Variants in DCLK1 observed in about 807,000 individuals in gnomAD.
DCLK1 encodes the protein serine/threonine-protein kinase DCLK1.
Under a neutral mutation model 86.2 loss-of-function variants are expected in DCLK1, and 16 were observed. The observed-to-expected ratio is 0.19, with a 90% CI of 0.13 to 0.28. The LOEUF (loss-of-function observed/expected upper bound fraction) is 0.28. Among genes scored for constraint, DCLK1 ranks in the 10% least tolerant of loss-of-function variants. The pLI is 1.00. For synonymous variants in DCLK1, 369 were observed against 370.5 expected (o/e 1.00, Z 0.05); for missense variants, 590 against 940.2 (o/e 0.63, Z 4.87).
Position 36,084,818 on chromosome 13 carries a change from T to C in DCLK1, c.723+27051A>G, listed in dbSNP as rs565741765. Among the ~76,000 whole-genome samples, 30 of 152,334 alleles carry C rather than the reference T, an allele frequency of 2.0e-4. No homozygotes were observed. The South Asian group carries it at 3.9e-3, about 20-fold the overall frequency. On this transcript the variant is annotated intron_variant, in intron 3 of 16. Coordinates refer to ENST00000360631, the MANE Select transcript of DCLK1 (RefSeq NM_001330071.2). ...GCTACTGGTTATATGGCACCCATTT[T>C]AGCTTTTTAACTTCCTAGGATAGAC...
intron 5 of DCLK1, among the ~76,000 whole-genome samples, chr13:35,864,228 C>T (rs1871609021): frequency 6.6e-6 from 1 of 152,126 alleles, no homozygotes; most frequent in African/African-American, 2.4e-5. Context: ...CTAAGGGTTC[C>T]ACAGACAGAG....
intron 16 of DCLK1, among the ~76,000 whole-genome samples, chr13:35,782,479 G>A (rs2086545744): frequency 6.6e-6 from 1 of 152,232 alleles, no homozygotes; most frequent in Non-Finnish European, 1.5e-5. Flanking sequence ...AAGCAAGTAA[G>A]TCAGGGATAG....
chr13:35,779,323 T>C (rs1430072841), intron 16 of DCLK1, among the ~76,000 whole-genome samples: 2 of 152,174 alleles, frequency 1.3e-5, no homozygotes, highest in South Asian at 2.1e-4. Context: ...ACCTGTACCA[T>C]ATATTTTCTT....
At position 35,809,007 on chromosome 13, in the gene DCLK1, G is replaced by A; in HGVS notation, c.1766+11C>T. 1.2e-6 allele frequency: 2 copies of A among 1,609,464 alleles called. No individual in the cohort carries two copies. The highest frequency in any genetic ancestry group is 8.5e-7 in the Non-Finnish European group (1 of 1,176,818). ...CTTTGTCGGCGCTGAATAAAAGATT[G>A]TTGCCCATACCCACGGAATGGAGGG... On this transcript the variant is annotated intron_variant, in intron 13 of 16. Transcript: ENST00000360631.
intron 3 of DCLK1, among the ~76,000 whole-genome samples, chr13:36,085,829 A>C (rs1442202847): frequency 6.6e-6 from 1 of 152,118 alleles, no homozygotes; most frequent in Non-Finnish European, 1.5e-5. Context: ...TGACTCCTGA[A>C]GCTCTCCCTT....
chr13:35,928,893 T>C (rs911352187), intron 4 of DCLK1, among the ~76,000 whole-genome samples: 6 of 152,202 alleles, frequency 3.9e-5, no homozygotes, highest in African/African-American at 1.4e-4. Flanking sequence ...TATGGTGACA[T>C]TTTATATCTC....
intron 5 of DCLK1, among the ~76,000 whole-genome samples, chr13:35,862,846 T>C (rs1048572218): frequency 2.6e-5 from 4 of 152,178 alleles, no homozygotes; most frequent in Non-Finnish European, 5.9e-5. Flanking sequence ...ATTAATGAGA[T>C]CTAACCTGTT....
Position 35,843,711 on chromosome 13 carries a change from A to G in DCLK1, c.1036-4535T>C, listed in dbSNP as rs148908446. Among the ~76,000 whole-genome samples the G allele has an allele frequency of 3.2e-3, 482 of 152,350 alleles. 3 individuals are homozygous for G. Among genetic ancestry groups the G allele is most frequent in the African/African-American group, 0.011 (440 of 41,574 alleles). Reference sequence around the variant, plus strand: ...TTAGCTTTGGCTGGATAATTGCACCATTTCCACTTCACATTTTATCTTGGC... The same window carrying G: ...TTAGCTTTGGCTGGATAATTGCACCGTTTCCACTTCACATTTTATCTTGGC... On this transcript the variant is annotated intron_variant, in intron 6 of 16. Transcript: ENST00000360631.
chr13:35,779,542 T>G (rs959674101), intron 16 of DCLK1, among the ~76,000 whole-genome samples: 10 of 152,204 alleles, frequency 6.6e-5, no homozygotes, highest in African/African-American at 2.4e-4. Context: ...GAATACGGCA[T>G]TATTTTAGGG....
At chr13:36,076,716 G>A (rs937860438) in intron 3 of DCLK1, among the ~76,000 whole-genome samples, 22 of 152,114 alleles carry the variant, frequency 1.4e-4, no homozygotes, top group Admixed American at 7.9e-4. Context: ...GAGAAGTTCC[G>A]ATTGCACCCG....
chr13:35,899,561 G>A (rs1343187), intron 4 of DCLK1, among the ~76,000 whole-genome samples: 92,408 of 151,986 alleles, frequency 0.61, 30,735 homozygotes, highest in Non-Finnish European at 0.75. Flanking sequence ...AATTTCTCAG[G>A]ACTGCTTACC....
At chr13:35,910,770 G>C (rs758091389) in intron 4 of DCLK1, among the ~76,000 whole-genome samples, 1 of 152,170 alleles carries the variant, frequency 6.6e-6, no homozygotes, top group African/African-American at 2.4e-5. Flanking sequence ...GAAATTGCTG[G>C]AGGCAGGAAG....
At chr13:35,842,646 G>C (rs1869892464) in intron 6 of DCLK1, among the ~76,000 whole-genome samples, 1 of 152,210 alleles carries the variant, frequency 6.6e-6, no homozygotes, top group Non-Finnish European at 1.5e-5. Flanking sequence ...ACTGGCTTAT[G>C]TGGATGAGGC....
chr13:35,925,602 T>C (rs1876069417), intron 4 of DCLK1, among the ~76,000 whole-genome samples: 1 of 152,232 alleles, frequency 6.6e-6, no homozygotes, highest in Admixed American at 6.5e-5. Context: ...CTTATTCCAT[T>C]TTAATGTGTT....
At chr13:36,005,672 T>C (rs1183254398) in intron 3 of DCLK1, among the ~76,000 whole-genome samples, 1 of 152,228 alleles carries the variant, frequency 6.6e-6, no homozygotes, top group Non-Finnish European at 1.5e-5. Context: ...AGAGATGGGC[T>C]AGCAGCATGG....
chr13:35,965,671 T>G (rs1174698000), intron 3 of DCLK1, among the ~76,000 whole-genome samples: 1 of 152,152 alleles, frequency 6.6e-6, no homozygotes, highest in Admixed American at 6.5e-5. Flanking sequence ...TCCTCTCCTC[T>G]TTTAGGAAGA....
At chr13:36,055,335 AT>A (rs1275751258) in intron 3 of DCLK1, among the ~76,000 whole-genome samples, 7 of 152,132 alleles carry the variant, frequency 4.6e-5, no homozygotes, top group Admixed American at 4.6e-4. Context: ...TGTGACTTTT[AT>A]TAATCTATAA....
intron 8 of DCLK1, among the ~76,000 whole-genome samples, chr13:35,831,794 CTTA>C (rs766744601): frequency 3.9e-5 from 6 of 152,336 alleles, no homozygotes; most frequent in Non-Finnish European, 8.8e-5. Flanking sequence ...AGGCTGCCTT[CTTA>C]TTAAGTGTGA....
At chr13:35,962,827 T>G (rs1374637213) in intron 3 of DCLK1, among the ~76,000 whole-genome samples, 2 of 152,224 alleles carry the variant, frequency 1.3e-5, no homozygotes, top group East Asian at 3.8e-4. Flanking sequence ...CAGTTATTAC[T>G]TATGCCACCA....
Sources: allele counts gnomAD v4.1 joint callset (sites outside exome capture counted in the v4.1 genomes callset), GRCh38; gene constraint gnomAD v4.1.1; transcripts MANE v1.5; gene names NCBI Gene and HGNC (gene_info 2026-07-23, HGNC 2026-07-21).